Variants in TAFA1 observed in about 807,000 individuals in gnomAD.
TAFA1 encodes chemokine-like protein TAFA-1.
Under a neutral mutation model 18.5 loss-of-function variants are expected in TAFA1, and 4 were observed. The ratio of observed to expected loss-of-function variants is 0.22; its 90% CI spans 0.11 to 0.49. The LOEUF is 0.49. Ranked by LOEUF, TAFA1 falls within the 20% of genes least tolerant of loss-of-function variation. The probability of loss-of-function intolerance (pLI) is 0.98; values close to 1 mark genes in which losing one functional copy is unlikely to be tolerated. For missense variants in TAFA1, 147 were observed against 169.0 expected (o/e 0.87, Z 0.72); for synonymous variants, 56 against 55.2 (o/e 1.01, Z -0.06).
intron 2 of TAFA1, among the ~76,000 whole-genome samples, chr3:68,258,169 A>G (rs1041884572): frequency 6.6e-6 from 1 of 152,216 alleles, no homozygotes; most frequent in Non-Finnish European, 1.5e-5. Flanking sequence ...TAGTTTTGAC[A>G]AATGTGCTGT....
intron 3 of TAFA1, among the ~76,000 whole-genome samples, chr3:68,475,213 G>A (rs2072068555): frequency 6.6e-6 from 1 of 151,646 alleles, no homozygotes; most frequent in Non-Finnish European, 1.5e-5. Context: ...CAATGTGCAG[G>A]TTTGTTACAT....
intron 3 of TAFA1, among the ~76,000 whole-genome samples, chr3:68,422,185 C>A (rs1429485309): frequency 6.6e-6 from 1 of 152,076 alleles, no homozygotes. Flanking sequence ...TATATGATGA[C>A]CATTTCCCAA....
At chr3:68,453,954 G>T (rs1051078744) in intron 3 of TAFA1, among the ~76,000 whole-genome samples, 1 of 152,146 alleles carries the variant, frequency 6.6e-6, no homozygotes. Context: ...AGTAAATAAA[G>T]GCTTAAGGAG....
At chr3:68,524,366 A>C (rs2073073596) in intron 3 of TAFA1, among the ~76,000 whole-genome samples, 1 of 152,108 alleles carries the variant, frequency 6.6e-6, no homozygotes, top group Admixed American at 6.5e-5. Context: ...ACCCAGATAG[A>C]AGGGCTGGCA....
intron 2 of TAFA1, among the ~76,000 whole-genome samples, chr3:68,362,716 G>C (rs1005860676): frequency 2.0e-5 from 3 of 152,082 alleles, no homozygotes; most frequent in African/African-American, 7.2e-5. Context: ...ACAGCAAGCT[G>C]TCTGAGGGTT....
chr3:68,405,282 G>A (rs2070576574), intron 2 of TAFA1, among the ~76,000 whole-genome samples: 2 of 152,026 alleles, frequency 1.3e-5, no homozygotes, highest in Admixed American at 1.3e-4. Context: ...TTCTCAGTAT[G>A]TATTCCTGCT....
chr3:68,270,601 G>C (rs1398788293), intron 2 of TAFA1, among the ~76,000 whole-genome samples: 1 of 152,156 alleles, frequency 6.6e-6, no homozygotes, highest in South Asian at 2.1e-4. Context: ...GTGGACCCAG[G>C]ATGAAAGTAT....
At chr3:68,392,790 T>C (rs914854503) in intron 2 of TAFA1, among the ~76,000 whole-genome samples, 3 of 152,002 alleles carry the variant, frequency 2.0e-5, no homozygotes, top group African/African-American at 7.2e-5. Context: ...CAGAAATAAA[T>C]AAGTTCTTTG....
chr3:68,219,780 A>G (rs965394323), intron 2 of TAFA1, among the ~76,000 whole-genome samples: 1 of 152,108 alleles, frequency 6.6e-6, no homozygotes, highest in Non-Finnish European at 1.5e-5. Context: ...TGCTGCCTAC[A>G]CTCAAGGGAA....
chr3:68,108,140 G>A (rs1289397429), intron 2 of TAFA1, among the ~76,000 whole-genome samples: 1 of 151,950 alleles, frequency 6.6e-6, no homozygotes, highest in African/African-American at 2.4e-5. Flanking sequence ...TTTCATTATT[G>A]TATAACTTTA....
intron 2 of TAFA1, among the ~76,000 whole-genome samples, chr3:68,326,243 TGAACAAA>T (rs2068775909): frequency 6.6e-6 from 1 of 152,202 alleles, no homozygotes; most frequent in Non-Finnish European, 1.5e-5. Context: ...ATACTATTAT[TGAACAAA>T]ACCAACTTTT....
chr3:68,223,470 A>ATGTGTGTGTGTATATATGTATG (rs2066757124), intron 2 of TAFA1, among the ~76,000 whole-genome samples: 1 of 152,024 alleles, frequency 6.6e-6, no homozygotes, highest in South Asian at 2.1e-4. Flanking sequence ...TTTTCAGAAT[A>ATGTGTGTGTGTATATATGTATG]TGTGTGTGTG....
intron 2 of TAFA1, among the ~76,000 whole-genome samples, chr3:68,064,421 T>C (rs2064646190): frequency 6.6e-6 from 1 of 152,234 alleles, no homozygotes; most frequent in Non-Finnish European, 1.5e-5. Flanking sequence ...ATTATTTAAA[T>C]GCAGTTTCTT....
chr3:68,409,431 G>A (rs1442470526), intron 2 of TAFA1, among the ~76,000 whole-genome samples: 2 of 151,736 alleles, frequency 1.3e-5, no homozygotes, highest in African/African-American at 4.9e-5. Flanking sequence ...TTCTCATGAT[G>A]GTGGGGGAGT....
At chr3:68,532,489 C>G (rs2073205474) in intron 3 of TAFA1, among the ~76,000 whole-genome samples, 1 of 152,082 alleles carries the variant, frequency 6.6e-6, no homozygotes, top group African/African-American at 2.4e-5. Context: ...CCACTCTTCA[C>G]TAATGTAGAT....
chr3:68,026,460 C>G (rs926944294), intron 2 of TAFA1, among the ~76,000 whole-genome samples: 1 of 151,834 alleles, frequency 6.6e-6, no homozygotes, highest in Non-Finnish European at 1.5e-5. Flanking sequence ...TTTAAATGTC[C>G]TTTTCTTCTG....
At chr3:68,530,383 A>G (rs1012361973) in intron 3 of TAFA1, among the ~76,000 whole-genome samples, 1 of 152,228 alleles carries the variant, frequency 6.6e-6, no homozygotes, top group Non-Finnish European at 1.5e-5. Flanking sequence ...CTTTTGCTCT[A>G]TAGCAATATG....
intron 2 of TAFA1, among the ~76,000 whole-genome samples, chr3:68,236,202 A>T (rs923521874): frequency 6.6e-6 from 1 of 152,194 alleles, no homozygotes; most frequent in South Asian, 2.1e-4. Context: ...GGCCACTCAT[A>T]ATAAAGGTGG....
chr3:68,423,026 G>A (rs1274581336), intron 3 of TAFA1, among the ~76,000 whole-genome samples: 1 of 151,898 alleles, frequency 6.6e-6, no homozygotes, highest in Non-Finnish European at 1.5e-5. Flanking sequence ...CTATTTATTT[G>A]AGAACAATTT....
Sources: allele counts gnomAD v4.1 joint callset (sites outside exome capture counted in the v4.1 genomes callset), GRCh38; gene constraint gnomAD v4.1.1; transcripts MANE v1.5; gene names NCBI Gene and HGNC (gene_info 2026-07-23, HGNC 2026-07-21).